PTPRN2: variants seen among roughly 807,000 people sequenced by gnomAD.
PTPRN2 encodes receptor-type tyrosine-protein phosphatase N2.
PTPRN2 carries 74 observed loss-of-function variants against 118.8 expected under a neutral mutation model. The ratio of observed to expected loss-of-function variants is 0.62; its 90% CI spans 0.52 to 0.76. The LOEUF is 0.76. Among genes scored for constraint, PTPRN2 ranks in the 30% least tolerant of loss-of-function variants. The probability of loss-of-function intolerance (pLI) is 0.00; values close to 1 mark genes in which losing one functional copy is unlikely to be tolerated. For synonymous variants in PTPRN2, 641 were observed against 608.0 expected (o/e 1.05, Z -0.80); for missense variants, 1,481 against 1,394.4 (o/e 1.06, Z -0.99).
chr7:158,044,348 C>T (rs970073198), intron 11 of PTPRN2, among the ~76,000 whole-genome samples: 24 of 152,176 alleles, frequency 1.6e-4, no homozygotes, highest in African/African-American at 5.3e-4. Context: ...GTCCTCACTG[C>T]TGCTGAATCT....
At chr7:158,146,786 TACA>T (rs112724370) in intron 6 of PTPRN2, among the ~76,000 whole-genome samples, 14,267 of 149,658 alleles carry the variant, frequency 0.095, 794 homozygotes, top group African/African-American at 0.13. Flanking sequence ...TCTTGAGGGC[TACA>T]ACATTGTTCT....
intron 3 of PTPRN2, among the ~76,000 whole-genome samples, chr7:158,224,843 A>G (rs1828632837): frequency 6.6e-6 from 1 of 152,224 alleles, no homozygotes; most frequent in Non-Finnish European, 1.5e-5. Flanking sequence ...AAGGACTAGT[A>G]TCAGGAATAT....
intron 12 of PTPRN2, among the ~76,000 whole-genome samples, chr7:157,781,768 T>C (rs1002698121): frequency 6.6e-6 from 1 of 152,176 alleles, no homozygotes; most frequent in African/African-American, 2.4e-5. Flanking sequence ...AAAACGTATA[T>C]TACTTCAGCC....
chr7:158,020,782 C>A (rs1806817120), intron 11 of PTPRN2, among the ~76,000 whole-genome samples: 1 of 152,150 alleles, frequency 6.6e-6, no homozygotes, highest in African/African-American at 2.4e-5. Context: ...TAAGGGAGTG[C>A]ACAGGAGTTG....
chr7:158,493,119 G>A (rs1563355522), intron 1 of PTPRN2, among the ~76,000 whole-genome samples: 1 of 152,204 alleles, frequency 6.6e-6, no homozygotes, highest in Non-Finnish European at 1.5e-5. Context: ...CTCCTCTGCT[G>A]AACCCTATAG....
At chr7:158,556,738 GGCAGGTCAGGCGGCTCCCGA>G in intron 1 of PTPRN2, among the ~76,000 whole-genome samples, 1 of 133,224 alleles carries the variant, frequency 7.5e-6, no homozygotes, top group Admixed American at 7.4e-5. Context: ...GCGGCTCCCG[GGCAGGTCAGGCGGCTCCCGA>G]GCAGGTTGCT....
intron 12 of PTPRN2, among the ~76,000 whole-genome samples, chr7:157,877,779 G>A (rs890839673): frequency 2.0e-5 from 3 of 152,234 alleles, no homozygotes; most frequent in African/African-American, 7.2e-5. Context: ...AGGGACAGGA[G>A]AGGAGGGAGT....
intron 17 of PTPRN2, among the ~76,000 whole-genome samples, chr7:157,580,804 C>T (rs1372818693): frequency 1.5e-5 from 2 of 132,578 alleles, no homozygotes; most frequent in East Asian, 2.3e-4. Flanking sequence ...ACCCCAGCAC[C>T]TGCACACCCC....
At chr7:158,161,492 C>T (rs59268624) in intron 6 of PTPRN2, among the ~76,000 whole-genome samples, 18,649 of 152,174 alleles carry the variant, frequency 0.12, 1,855 homozygotes, top group African/African-American at 0.27. Context: ...GAGAAAGGAT[C>T]GCCTCTTAAC....
At chr7:158,501,674 C>A (rs777086476) in intron 1 of PTPRN2, among the ~76,000 whole-genome samples, 1 of 152,196 alleles carries the variant, frequency 6.6e-6, no homozygotes, top group Non-Finnish European at 1.5e-5. Flanking sequence ...GAGTCAGAGA[C>A]CACCAAAGGC....
chr7:158,413,955 C>T (rs1267634501), intron 2 of PTPRN2, among the ~76,000 whole-genome samples: 1 of 150,116 alleles, frequency 6.7e-6, no homozygotes, highest in African/African-American at 2.5e-5. Flanking sequence ...GCCTGGTCAA[C>T]ATGGAGAAAC....
At chr7:158,503,506 G>T (rs1822524354) in intron 1 of PTPRN2, among the ~76,000 whole-genome samples, 1 of 152,188 alleles carries the variant, frequency 6.6e-6, no homozygotes, top group South Asian at 2.1e-4. Context: ...TCCCAAACTG[G>T]AAGCATCCGT....
At chr7:158,062,267 T>C (rs1810402236) in intron 11 of PTPRN2, among the ~76,000 whole-genome samples, 1 of 152,356 alleles carries the variant, frequency 6.6e-6, no homozygotes, top group East Asian at 1.9e-4. Flanking sequence ...GTCAAGGCTA[T>C]GGGACTGAAA....
At chr7:157,841,540 T>C (rs1808420825) in intron 12 of PTPRN2, among the ~76,000 whole-genome samples, 1 of 151,844 alleles carries the variant, frequency 6.6e-6, no homozygotes, top group African/African-American at 2.4e-5. Flanking sequence ...CACACACAAA[T>C]CTATCTGAGG....
intron 2 of PTPRN2, among the ~76,000 whole-genome samples, chr7:158,453,183 G>A (rs1320974225): frequency 1.1e-5 from 1 of 89,870 alleles, no homozygotes; most frequent in Non-Finnish European, 2.4e-5. Flanking sequence ...TACGGTGCAG[G>A]GGGCACCACA....
In PTPRN2 at chr7:157,654,234, C is replaced by T. The variant is rs539635192; in HGVS notation, c.2196+2123G>A. Reference sequence around the variant, plus strand: ...CGCCTGCCGCTTCCCACTCCCACCCCGACTCCGCACGATGCCCACCACTCC... The same window carrying T: ...CGCCTGCCGCTTCCCACTCCCACCCTGACTCCGCACGATGCCCACCACTCC... On this transcript the variant is annotated intron_variant, in intron 14 of 22. Coordinates refer to ENST00000389418, the MANE Select transcript of PTPRN2 (RefSeq NM_002847.5). Among the ~76,000 whole-genome samples the T allele has an allele frequency of 2.5e-3, 333 of 132,840 alleles. 5 individuals are homozygous for T. The highest frequency in any genetic ancestry group is 9.1e-3 in the African/African-American group (312 of 34,470). The allele number at this position is 132,840 out of a possible 152,430, so 87.1% of individuals were successfully genotyped here.
rs537555875 is a variant in PTPRN2 at position 157,888,407 on chromosome 7, G to A, written c.1788+10266C>T. On this transcript the variant is annotated intron_variant, in intron 12 of 22. Coordinates refer to ENST00000389418, the MANE Select transcript of PTPRN2 (RefSeq NM_002847.5). Reference sequence around the variant, plus strand: ...TCCTTCAGATACTGCTGAACCCACCGCTTTCGCTCCATTCTGACAAACCTA... The same window carrying A: ...TCCTTCAGATACTGCTGAACCCACCACTTTCGCTCCATTCTGACAAACCTA... Among the ~76,000 whole-genome samples, 85 of 152,194 alleles carry A rather than the reference G, an allele frequency of 5.6e-4. 3 individuals are homozygous for A. The South Asian group carries it at 0.016, about 28-fold the overall frequency.
At chr7:157,669,141 A>C (rs931598347) in intron 13 of PTPRN2, among the ~76,000 whole-genome samples, 1 of 152,192 alleles carries the variant, frequency 6.6e-6, no homozygotes, top group African/African-American at 2.4e-5. Context: ...CATCTGGGGC[A>C]GCCCTGTGAG....
intron 12 of PTPRN2, chr7:157,740,489 G>A (rs113772754): frequency 0.15 from 18,126 of 121,014 alleles, 529 homozygotes; most frequent in Non-Finnish European, 0.2. Context: ...CCACGGCAAC[G>A]CGGGAGCCTG....
Sources: allele counts gnomAD v4.1 joint callset (sites outside exome capture counted in the v4.1 genomes callset), GRCh38; gene constraint gnomAD v4.1.1; transcripts MANE v1.5; gene names NCBI Gene and HGNC (gene_info 2026-07-23, HGNC 2026-07-21).